Variants in RABGAP1L observed in about 807,000 individuals in gnomAD.
The protein encoded by RABGAP1L is RAB GTPase activating protein 1 like.
Under a neutral mutation model 137.7 loss-of-function variants are expected in RABGAP1L, and 63 were observed. The observed-to-expected ratio is 0.46, with a 90% CI of 0.37 to 0.56. RABGAP1L has a LOEUF of 0.56. Among genes scored for constraint, RABGAP1L ranks in the 20% least tolerant of loss-of-function variants. The pLI is 0.00. For synonymous variants in RABGAP1L, 431 were observed against 433.7 expected, an observed-to-expected ratio of 0.99 and a Z score of 0.08; for missense variants, 1,095 against 1,244.0, an observed-to-expected ratio of 0.88 and a Z score of 1.80.
chr1:174,646,811 A>AT (rs763401210), intron 14 of RABGAP1L, among the ~76,000 whole-genome samples: 5 of 152,108 alleles, frequency 3.3e-5, no homozygotes, highest in Non-Finnish European at 7.3e-5. Context: ...CAGTATGACC[A>AT]TTTTTGCAAT....
intron 13 of RABGAP1L, among the ~76,000 whole-genome samples, chr1:174,521,243 A>G (rs1663357425): frequency 6.6e-6 from 1 of 152,248 alleles, no homozygotes; most frequent in South Asian, 2.1e-4. Context: ...ATTATTTAGT[A>G]ATATTCTAAA....
intron 19 of RABGAP1L, among the ~76,000 whole-genome samples, chr1:174,936,547 G>A (rs1164055288): frequency 6.6e-6 from 1 of 151,918 alleles, no homozygotes; most frequent in Non-Finnish European, 1.5e-5. Context: ...TGAGCCATGA[G>A]CATGTCACTG....
intron 13 of RABGAP1L, among the ~76,000 whole-genome samples, chr1:174,485,885 A>G (rs1311784784): frequency 6.6e-6 from 1 of 151,840 alleles, no homozygotes; most frequent in East Asian, 1.9e-4. Context: ...TTCCTCCTTT[A>G]TTTTTCTAAA....
intron 13 of RABGAP1L, among the ~76,000 whole-genome samples, chr1:174,579,976 G>A (rs1300710908): frequency 6.6e-6 from 1 of 152,166 alleles, no homozygotes; most frequent in African/African-American, 2.4e-5. Context: ...GGCCAGGCTG[G>A]TCTTGAACTC....
intron 5 of RABGAP1L, among the ~76,000 whole-genome samples, chr1:174,242,379 A>C (rs940855940): frequency 6.6e-6 from 1 of 152,252 alleles, no homozygotes; most frequent in African/African-American, 2.4e-5. Flanking sequence ...GACACTTAGT[A>C]CTTAAAACCA....
chr1:174,482,391 A>G (rs1659194267), intron 13 of RABGAP1L, among the ~76,000 whole-genome samples: 1 of 152,360 alleles, frequency 6.6e-6, no homozygotes, highest in South Asian at 2.1e-4. Flanking sequence ...TAATTTGTTC[A>G]TTATTACACT....
intron 18 of RABGAP1L, among the ~76,000 whole-genome samples, chr1:174,799,576 GCTGTCAGA>G (rs1258854431): frequency 6.6e-6 from 1 of 152,096 alleles, no homozygotes; most frequent in Non-Finnish European, 1.5e-5. Flanking sequence ...AACAGCATAA[GCTGTCAGA>G]CTAACACTGA....
intron 1 of RABGAP1L, among the ~76,000 whole-genome samples, chr1:174,171,274 G>A (rs541226716): frequency 4.8e-4 from 73 of 152,154 alleles, no homozygotes; most frequent in African/African-American, 1.7e-3. Flanking sequence ...TTTTAGCTTA[G>A]ATCATCAATA....
At chr1:174,556,232 A>G (rs1326463874) in intron 13 of RABGAP1L, among the ~76,000 whole-genome samples, 2 of 151,976 alleles carry the variant, frequency 1.3e-5, no homozygotes, top group East Asian at 3.9e-4. Flanking sequence ...TCCTGACCTC[A>G]TGATCTGCCC....
intron 11 of RABGAP1L, among the ~76,000 whole-genome samples, chr1:174,332,484 C>T (rs917877518): frequency 1.3e-5 from 2 of 152,064 alleles, no homozygotes; most frequent in African/African-American, 2.4e-5. Context: ...GCAACCTCTA[C>T]GTCTGGGTTC....
chr1:174,261,841 A>G (rs891146692), intron 7 of RABGAP1L, among the ~76,000 whole-genome samples: 90 of 152,170 alleles, frequency 5.9e-4, no homozygotes, highest in Non-Finnish European at 1.2e-4. Context: ...CTCTTATGTG[A>G]ATTAGTACGT....
At chr1:174,774,558 T>G (rs1486039669) in intron 18 of RABGAP1L, among the ~76,000 whole-genome samples, 1 of 152,026 alleles carries the variant, frequency 6.6e-6, no homozygotes, top group Non-Finnish European at 1.5e-5. Flanking sequence ...AGATTTTTTT[T>G]TTTTCTATTT....
intron 13 of RABGAP1L, among the ~76,000 whole-genome samples, chr1:174,597,926 A>G (rs1557882422): frequency 6.6e-6 from 1 of 152,254 alleles, no homozygotes; most frequent in East Asian, 1.9e-4. Context: ...ATTCAGCAGC[A>G]TAGTGTTTAA....
At chr1:174,776,269 G>A (rs966719070) in intron 18 of RABGAP1L, among the ~76,000 whole-genome samples, 3 of 152,198 alleles carry the variant, frequency 2.0e-5, no homozygotes, top group African/African-American at 7.2e-5. Flanking sequence ...AGCTACTCGG[G>A]AGGCTGAGGC....
chr1:174,373,126 C>T (rs35425383), intron 12 of RABGAP1L, among the ~76,000 whole-genome samples: 31,686 of 151,994 alleles, frequency 0.21, 3,622 homozygotes, highest in Admixed American at 0.24. Flanking sequence ...TAGGGTTACT[C>T]TCTTCCTTTA....
At chr1:174,405,219 A>G (rs771753668) in intron 13 of RABGAP1L, among the ~76,000 whole-genome samples, 1 of 152,170 alleles carries the variant, frequency 6.6e-6, no homozygotes. Context: ...ATCGTTTTTT[A>G]TTTGTTAAGT....
intron 5 of RABGAP1L, among the ~76,000 whole-genome samples, chr1:174,247,026 T>C (rs12080977): frequency 6.6e-6 from 1 of 152,026 alleles, no homozygotes; most frequent in Non-Finnish European, 1.5e-5. Flanking sequence ...GATGGAATCT[T>C]ATTTTTTTTT....
At position 174,448,172 on chromosome 1, in the gene RABGAP1L, G is replaced by A. The variant is rs1270800487; in HGVS notation, c.1710+54027G>A. 3 of 1,613,412 alleles carry A rather than the reference G, an allele frequency of 1.9e-6. No individual in the cohort carries two copies. The Admixed American group carries it at 5.0e-5, about 27-fold the overall frequency. ...GAACATGAGCAGTGGCATTGTGAAT[G>A]TGTCCGAGCGTCACTCCTGCCCACT... On this transcript the variant is annotated intron_variant, in intron 13 of 25. Coordinates refer to ENST00000681986, the MANE Select transcript of RABGAP1L (RefSeq NM_001366446.1). This position sits in a 1 kb window ranked among gnomAD's most constrained non-coding sequence, Gnocchi z 4.2.
chr1:174,589,745 T>A (rs919179316), intron 13 of RABGAP1L, among the ~76,000 whole-genome samples: 5 of 152,206 alleles, frequency 3.3e-5, no homozygotes, highest in Admixed American at 6.5e-5. Flanking sequence ...GTTCTTGGCA[T>A]GTTGTCAAAA....
Sources: gnomAD v4.1 joint callset for allele counts (sites outside exome capture counted in the v4.1 genomes callset) on GRCh38, gnomAD v4.1.1 for gene constraint, Gnocchi (gnomAD v3.1) non-coding constraint, MANE v1.5 for transcripts, NCBI Gene and HGNC (gene_info 2026-07-23, HGNC 2026-07-21) for gene names.